DEFB119: variants seen among roughly 807,000 people sequenced by gnomAD.
DEFB119 encodes the protein defensin beta 119, also known as beta-defensin 119.
Under a neutral mutation model 2.5 loss-of-function variants are expected in DEFB119, and 3 were observed. The ratio of observed to expected loss-of-function variants is 1.19; its 90% CI spans 0.54 to 3.07. DEFB119 has a LOEUF of 3.07. Among genes scored for constraint, DEFB119 ranks in the 30% most tolerant of loss-of-function variants. The probability of loss-of-function intolerance (pLI) is 0.03; values close to 1 mark genes in which losing one functional copy is unlikely to be tolerated. For synonymous variants in DEFB119, 29 were observed against 33.7 expected, an observed-to-expected ratio of 0.86 and a Z score of 0.48; for missense variants, 113 against 101.1, an observed-to-expected ratio of 1.12 and a Z score of -0.50.
chr20:31,377,208 C>G lies in DEFB119; in HGVS notation c.*38G>C. On this transcript the variant is annotated 3_prime_UTR_variant, in exon 2 of 2. Transcript: ENST00000376321. Reference sequence around the variant, plus strand: ...AATGAGGGGGGTTGACAGCAGGTCTCTGTGCCCAGAGAGCTTGAGAATGGT... The same window carrying G: ...AATGAGGGGGGTTGACAGCAGGTCTGTGTGCCCAGAGAGCTTGAGAATGGT... The G allele has an allele frequency of 1.3e-6, 2 of 1,562,266 alleles. No individual in the cohort carries two copies. The highest frequency in any genetic ancestry group is 1.7e-6 in the Non-Finnish European group (2 of 1,153,726).
intron 1 of DEFB119, among the ~76,000 whole-genome samples, chr20:31,387,495 A>G (rs1490402549): frequency 1.3e-5 from 2 of 152,156 alleles, no homozygotes; most frequent in Non-Finnish European, 2.9e-5. Context: ...CTTCATAATG[A>G]CCTGAAAGGT....
chr20:31,382,757 G>A (rs775548974), intron 1 of DEFB119, among the ~76,000 whole-genome samples: 3 of 152,148 alleles, frequency 2.0e-5, no homozygotes, highest in Non-Finnish European at 4.4e-5. Context: ...TCACTAAATC[G>A]CATTCGTGCC....
intron 1 of DEFB119, chr20:31,378,462 A>G: frequency 6.2e-7 from 1 of 1,601,950 alleles, no homozygotes; most frequent in Non-Finnish European, 8.5e-7. Flanking sequence ...TAATAATATC[A>G]AAAACATCCG....
At chr20:31,379,988 G>A (rs949618122) in intron 1 of DEFB119, among the ~76,000 whole-genome samples, 1 of 152,090 alleles carries the variant, frequency 6.6e-6, no homozygotes, top group South Asian at 2.1e-4. Context: ...CTTAAGAGTT[G>A]TTTCTATGTT....
chr20:31,390,186 A>C (rs183866691), intron 1 of DEFB119, among the ~76,000 whole-genome samples: 8 of 151,886 alleles, frequency 5.3e-5, no homozygotes, highest in Middle Eastern at 3.4e-3. Flanking sequence ...ACCTCTCCCA[A>C]GCTCCCACCA....
intron 1 of DEFB119, among the ~76,000 whole-genome samples, chr20:31,381,996 T>C (rs1453845553): frequency 1.3e-5 from 2 of 152,174 alleles, no homozygotes; most frequent in Non-Finnish European, 2.9e-5. Context: ...GGTATGACTT[T>C]AAAGGAGCAA....
At chr20:31,384,989 G>A (rs1432927756) in intron 1 of DEFB119, among the ~76,000 whole-genome samples, 1 of 151,934 alleles carries the variant, frequency 6.6e-6, no homozygotes, top group Non-Finnish European at 1.5e-5. Context: ...AAAAATAAAA[G>A]AAAAGAAAAC....
At chr20:31,385,668 A>T (rs1166028621) in intron 1 of DEFB119, among the ~76,000 whole-genome samples, 1 of 152,102 alleles carries the variant, frequency 6.6e-6, no homozygotes, top group East Asian at 1.9e-4. Flanking sequence ...GGAGTTTGAG[A>T]GCAGACTGGG....
chr20:31,383,318 C>T (rs558575863), intron 1 of DEFB119, among the ~76,000 whole-genome samples: 4 of 151,822 alleles, frequency 2.6e-5, no homozygotes, highest in Admixed American at 6.6e-5. Flanking sequence ...CCGAGGTGGA[C>T]GGGACTCTTG....
chr20:31,389,712 C>T (rs1986852788), intron 1 of DEFB119, among the ~76,000 whole-genome samples: 1 of 151,986 alleles, frequency 6.6e-6, no homozygotes, highest in Non-Finnish European at 1.5e-5. Flanking sequence ...CTTCCTTGAC[C>T]CTATATTAAC....
intron 1 of DEFB119, among the ~76,000 whole-genome samples, chr20:31,383,349 C>A (rs1182604322): frequency 6.6e-6 from 1 of 151,772 alleles, no homozygotes; most frequent in African/African-American, 2.4e-5. Context: ...TTCGAACAAG[C>A]CTGGCCAACA....
chr20:31,379,944 C>G (rs1009790421), intron 1 of DEFB119, among the ~76,000 whole-genome samples: 1 of 152,144 alleles, frequency 6.6e-6, no homozygotes, highest in African/African-American at 2.4e-5. Context: ...GGATTACAGG[C>G]GTGAGCCACC....
At chr20:31,378,970 C>T (rs1986404127) in intron 1 of DEFB119, among the ~76,000 whole-genome samples, 1 of 148,050 alleles carries the variant, frequency 6.8e-6, no homozygotes, top group Non-Finnish European at 1.5e-5. Flanking sequence ...ACAAGTCTTG[C>T]TCTGTTGCTT....
At chr20:31,378,400 G>C in intron 1 of DEFB119, 1 of 1,614,100 alleles carries the variant, frequency 6.2e-7, no homozygotes, top group Non-Finnish European at 8.5e-7. Context: ...AGCTGTATCA[G>C]AGGAGACAAG....
At chr20:31,382,406 T>G (rs572782707) in intron 1 of DEFB119, among the ~76,000 whole-genome samples, 1 of 152,196 alleles carries the variant, frequency 6.6e-6, no homozygotes, top group South Asian at 2.1e-4. Flanking sequence ...TTTTCTCATA[T>G]GTATAGTATA....
intron 1 of DEFB119, chr20:31,378,374 C>G: frequency 6.2e-7 from 1 of 1,614,158 alleles, no homozygotes; most frequent in South Asian, 1.1e-5. Flanking sequence ...AGGCAGCATC[C>G]CACTGTCCTC....
intron 1 of DEFB119, among the ~76,000 whole-genome samples, chr20:31,384,729 C>T (rs6120046): frequency 0.089 from 13,545 of 152,172 alleles, 1,502 homozygotes; most frequent in African/African-American, 0.26. Flanking sequence ...TGACATTATC[C>T]TCCCTAAATA....
At chr20:31,388,940 A>C in intron 1 of DEFB119, 1 of 1,549,546 alleles carries the variant, frequency 6.5e-7, no homozygotes, top group East Asian at 2.4e-5. Flanking sequence ...TTGAAGTATC[A>C]TTCCTTATGA....
intron 1 of DEFB119, among the ~76,000 whole-genome samples, chr20:31,387,211 G>T (rs949828534): frequency 8.5e-5 from 13 of 152,100 alleles, no homozygotes; most frequent in Non-Finnish European, 1.3e-4. Context: ...CTGATTTGAT[G>T]GTTACACTTT....
Sources: gnomAD v4.1 joint callset for allele counts (sites outside exome capture counted in the v4.1 genomes callset) on GRCh38, gnomAD v4.1.1 for gene constraint, MANE v1.5 for transcripts, NCBI Gene and HGNC (gene_info 2026-07-23, HGNC 2026-07-21) for gene names.